MAP2K6: variants seen among roughly 807,000 people sequenced by gnomAD.
MAP2K6 encodes the protein dual specificity mitogen-activated protein kinase kinase 6.
In MAP2K6, 16 loss-of-function variants were observed where a neutral mutation model predicts 53.7. The observed-to-expected ratio is 0.30, with a 90% CI of 0.20 to 0.45. MAP2K6 has a LOEUF of 0.45. Among genes scored for constraint, MAP2K6 ranks in the 20% least tolerant of loss-of-function variants. MAP2K6 has a pLI of 1.00. For synonymous variants in MAP2K6, 132 were observed against 143.1 expected, an observed-to-expected ratio of 0.92 and a Z score of 0.55; for missense variants, 204 against 411.9, an observed-to-expected ratio of 0.50 and a Z score of 4.37.
chr17:69,521,413 C>T, intron 7 of MAP2K6: 1 of 257,610 alleles, frequency 3.9e-6, no homozygotes, highest in Non-Finnish European at 7.3e-6. Context: ...TTGTATTGGC[C>T]ATCACATGAG....
rs758300138 is a variant in MAP2K6, at chr17:69,520,276, G to A, written c.373G>A (p.Val125Met). ...TGAAACAATTGGTCTCCAGGGTGATGTGTGGATCTGCATGGAGCTCATGGA... is the reference window on the plus strand; with the variant it reads ...TGAAACAATTGGTCTCCAGGGTGATATGTGGATCTGCATGGAGCTCATGGA... ...FYGALFREGDVWICMELMDTS... is the reference protein window; with the variant it reads ...FYGALFREGDMWICMELMDTS... Residue 125 changes from valine to methionine, a missense_variant, in exon 6 of 12, where the codon GTG (valine) becomes ATG (methionine). Val to Met is a conservative substitution (Grantham distance 21). This residue lies in a region of MAP2K6 where 129 missense variants were observed against 247.1 expected (regional missense o/e 0.52). Coordinates refer to ENST00000590474, the MANE Select transcript of MAP2K6 (RefSeq NM_002758.4). 6.4e-7 allele frequency: 1 copy of A among 1,567,634 alleles called. No individual in the cohort carries two copies. Among genetic ancestry groups the A allele is most frequent in the Non-Finnish European group, 8.7e-7 (1 of 1,144,516 alleles).
Position 69,536,126 on chromosome 17 carries a change from A to C in MAP2K6, c.893A>C (p.Asn298Thr). ...TTTTTTTCTTTAAGCTTAAAGAAGA[A>C]TTCCAAAGAACGGCCTACATACCCA... ...VDFTSQCLKK[N>T]SKERPTYPEL... Residue 298 changes from asparagine (N) to threonine (T), a missense_variant, in exon 11 of 12, where the codon AAT becomes ACT. Transcript: ENST00000590474. 6.2e-7 allele frequency: 1 copy of C among 1,609,844 alleles called. No individual in the cohort carries two copies. The highest frequency in any genetic ancestry group is 1.1e-5 in the South Asian group (1 of 90,754).
intron 1 of MAP2K6, among the ~76,000 whole-genome samples, chr17:69,470,132 G>A (rs1907939854): frequency 6.6e-6 from 1 of 152,144 alleles, no homozygotes; most frequent in South Asian, 2.1e-4. Context: ...TTGAGCCCAG[G>A]AGGTAGAGTT....
intron 1 of MAP2K6, among the ~76,000 whole-genome samples, chr17:69,442,059 C>T (rs1034741991): frequency 1.3e-5 from 2 of 152,114 alleles, no homozygotes; most frequent in Admixed American, 6.5e-5. Flanking sequence ...CTGACACTCT[C>T]CCTGTGGGGA....
chr17:69,520,645 G>A (rs781403630), intron 6 of MAP2K6: 1 of 430,492 alleles, frequency 2.3e-6, no homozygotes, highest in Non-Finnish European at 4.1e-6. Flanking sequence ...CACATTCCTG[G>A]TGTCTATATT....
intron 10 of MAP2K6, among the ~76,000 whole-genome samples, chr17:69,533,053 C>G (rs1176402381): frequency 6.6e-6 from 1 of 152,116 alleles, no homozygotes; most frequent in African/African-American, 2.4e-5. Flanking sequence ...CTCAGCCTCC[C>G]TAGTAACTGG....
At chr17:69,507,989 AT>A (rs1358426346) in intron 2 of MAP2K6, among the ~76,000 whole-genome samples, 1 of 128,376 alleles carries the variant, frequency 7.8e-6, no homozygotes, top group African/African-American at 2.9e-5. Context: ...AGCAATTGGT[AT>A]TATCAGTGTT....
intron 1 of MAP2K6, among the ~76,000 whole-genome samples, chr17:69,442,908 A>T (rs1598263658): frequency 6.6e-6 from 1 of 152,220 alleles, no homozygotes; most frequent in African/African-American, 2.4e-5. Context: ...ACCTAAACAT[A>T]TCTGGCATCT....
intron 1 of MAP2K6, among the ~76,000 whole-genome samples, chr17:69,430,749 A>G (rs1434501582): frequency 2.0e-5 from 3 of 152,222 alleles, no homozygotes; most frequent in Non-Finnish European, 4.4e-5. Context: ...ACTTCGTTTA[A>G]GACAGAAACC....
At chr17:69,426,195 C>T (rs1045717813) in intron 1 of MAP2K6, among the ~76,000 whole-genome samples, 2 of 152,162 alleles carry the variant, frequency 1.3e-5, no homozygotes, top group Admixed American at 1.3e-4. Context: ...CATTTTTGAT[C>T]TATTGTTATG....
At chr17:69,512,844 G>A (rs545880011) in intron 2 of MAP2K6, among the ~76,000 whole-genome samples, 1 of 152,222 alleles carries the variant, frequency 6.6e-6, no homozygotes, top group South Asian at 2.1e-4. Flanking sequence ...AAATATTTCT[G>A]AATCAATGAA....
At chr17:69,467,420 C>T (rs1315293063) in intron 1 of MAP2K6, among the ~76,000 whole-genome samples, 1 of 152,186 alleles carries the variant, frequency 6.6e-6, no homozygotes, top group African/African-American at 2.4e-5. Context: ...CATCTGTAGC[C>T]AGGAAGGCTT....
In MAP2K6 at chr17:69,549,201, A is replaced by G. The variant is rs192357060; in HGVS notation, c.*7448A>G. ...TCTTAGATGTTGTCAGTATGAACAG[A>G]ATTTTTTTGTGAACAGTTAATCTTG... On this transcript the variant is annotated 3_prime_UTR_variant, in exon 12 of 12. Coordinates refer to ENST00000590474, the MANE Select transcript of MAP2K6 (RefSeq NM_002758.4). 1 of 152,276 alleles carries G rather than the reference A, an allele frequency of 6.6e-6. No individual in the cohort carries two copies. The highest frequency in any genetic ancestry group is 6.5e-5 in the Admixed American group (1 of 15,288). 9.4% of individuals were successfully genotyped at this position (152,276 alleles called of 1,614,324 possible).
chr17:69,511,362 G>C (rs1197188151), intron 2 of MAP2K6, among the ~76,000 whole-genome samples: 1 of 152,122 alleles, frequency 6.6e-6, no homozygotes, highest in Non-Finnish European at 1.5e-5. Context: ...AATTTTTGAA[G>C]GCTGGCTTGG....
chr17:69,493,780 A>AATAT (rs3030910), intron 1 of MAP2K6, among the ~76,000 whole-genome samples: 1 of 151,410 alleles, frequency 6.6e-6, no homozygotes, highest in Non-Finnish European at 1.5e-5. Flanking sequence ...GAAAAAAAAA[A>AATAT]ATATATGTAT....
At chr17:69,507,443 C>T (rs1016068083) in intron 2 of MAP2K6, among the ~76,000 whole-genome samples, 4 of 152,108 alleles carry the variant, frequency 2.6e-5, no homozygotes, top group Non-Finnish European at 5.9e-5. Context: ...AGCAACATTA[C>T]AAGACTCTTT....
chr17:69,521,831 A>C (rs1163124227), intron 7 of MAP2K6: 1 of 151,068 alleles, frequency 6.6e-6, no homozygotes, highest in Non-Finnish European at 1.5e-5. Context: ...AAAAAAAAAA[A>C]AACCACCTTA....
At position 69,494,563 on chromosome 17, in the gene MAP2K6, C is replaced by T. The variant is rs1908871065; in HGVS notation, c.17-11217C>T. Among the ~76,000 whole-genome samples, 1 of 151,836 alleles carries T rather than the reference C, an allele frequency of 6.6e-6. No homozygotes were observed. The highest frequency in any genetic ancestry group is 1.5e-5 in the Non-Finnish European group (1 of 67,948). ...CCCCTGGATTAAAAGGGAAATAAGA[C>T]CCTGTACTGATAGCATTCTAGGGGA... On this transcript the variant is annotated intron_variant, in intron 1 of 11. Coordinates refer to ENST00000590474, the MANE Select transcript of MAP2K6 (RefSeq NM_002758.4). This position sits in a 1 kb window ranked among gnomAD's most constrained non-coding sequence, Gnocchi z 4.2.
chr17:69,521,046 C>A lies in MAP2K6; in HGVS notation c.484-3C>A. The A allele has an allele frequency of 6.3e-7, 1 of 1,599,590 alleles. No homozygotes were observed. Among genetic ancestry groups the A allele is most frequent in the Non-Finnish European group, 8.5e-7 (1 of 1,171,524 alleles). On this transcript the variant is annotated splice_region_variant and splice_polypyrimidine_tract_variant and intron_variant, in intron 6 of 11. Transcript: ENST00000590474. ...ATAAATCTATCTTGTGTTTCTCTTG[C>A]AGATTGTAAAAGCATTAGAACATTT...
Sources: allele counts gnomAD v4.1 joint callset (sites outside exome capture counted in the v4.1 genomes callset), GRCh38; gene constraint gnomAD v4.1.1; regional missense constraint gnomAD v4.1.1; non-coding constraint Gnocchi (gnomAD v3.1); transcripts MANE v1.5; gene names NCBI Gene and HGNC (gene_info 2026-07-23, HGNC 2026-07-21).